Variants in BAIAP2L1 observed in about 807,000 individuals in gnomAD.
BAIAP2L1 encodes the protein BAR/IMD domain-containing adapter protein 2-like 1.
BAIAP2L1 carries 35 observed loss-of-function variants against 66.3 expected under a neutral mutation model. That is an observed-to-expected ratio of 0.53 (90% CI 0.40 to 0.70). BAIAP2L1 has a LOEUF of 0.70. Ranked by LOEUF, BAIAP2L1 falls within the 30% of genes least tolerant of loss-of-function variation. The pLI is 0.00. For missense variants in BAIAP2L1, 622 were observed against 656.9 expected (o/e 0.95, Z 0.58); for synonymous variants, 269 against 248.7 (o/e 1.08, Z -0.77).
At chr7:98,302,319 TG>T (rs1389608425) in intron 12 of BAIAP2L1, among the ~76,000 whole-genome samples, 9 of 152,222 alleles carry the variant, frequency 5.9e-5, no homozygotes, top group African/African-American at 2.2e-4. Flanking sequence ...TTGGCCAAAG[TG>T]TCAGTGCTCT....
intron 12 of BAIAP2L1, among the ~76,000 whole-genome samples, chr7:98,303,640 G>A (rs1800516786): frequency 6.6e-6 from 1 of 152,186 alleles, no homozygotes; most frequent in Non-Finnish European, 1.5e-5. Context: ...GTGCGGTGGC[G>A]GGAATGGATG....
At chr7:98,343,879 G>A (rs1247060814) in intron 3 of BAIAP2L1, among the ~76,000 whole-genome samples, 1 of 152,152 alleles carries the variant, frequency 6.6e-6, no homozygotes, top group Admixed American at 6.5e-5. Context: ...GGGCACAGCT[G>A]TGTTCCAATA....
intron 3 of BAIAP2L1, among the ~76,000 whole-genome samples, chr7:98,331,699 C>G (rs945907907): frequency 6.6e-6 from 1 of 152,036 alleles, no homozygotes. Context: ...GAAATCCTGA[C>G]CTCAGGTGAT....
chr7:98,396,217 G>A lies in BAIAP2L1; in HGVS notation c.51+4585C>T, dbSNP rs370485651. 1.1e-3 allele frequency among the ~76,000 whole-genome samples: 173 copies of A among 152,004 alleles called. 1 individual carries two copies. The highest frequency in any genetic ancestry group is 3.8e-3 in the African/African-American group (159 of 41,478). On this transcript the variant is annotated intron_variant, in intron 1 of 13. Transcript: ENST00000005260. ...ACTGAGGAGCTGGGACCCCAGGCAC[G>A]TACCACCACACCCGGCTAATTTTTG...
chr7:98,394,349 T>C (rs1262015235), intron 1 of BAIAP2L1, among the ~76,000 whole-genome samples: 1 of 152,178 alleles, frequency 6.6e-6, no homozygotes, highest in Non-Finnish European at 1.5e-5. Context: ...GTTTATGTCT[T>C]CCTCTAGTGA....
intron 3 of BAIAP2L1, among the ~76,000 whole-genome samples, chr7:98,323,795 G>A (rs556420313): frequency 2.6e-5 from 4 of 152,314 alleles, no homozygotes; most frequent in East Asian, 1.9e-4. Flanking sequence ...TGGCCGCCGC[G>A]GAGTCAGCGG....
intron 3 of BAIAP2L1, among the ~76,000 whole-genome samples, chr7:98,346,082 A>G (rs1641608137): frequency 1.3e-5 from 2 of 152,210 alleles, no homozygotes; most frequent in Non-Finnish European, 2.9e-5. Flanking sequence ...AACTTTGTGA[A>G]TATACTAAAA....
intron 2 of BAIAP2L1, among the ~76,000 whole-genome samples, chr7:98,356,470 G>C (rs1325876484): frequency 6.6e-6 from 1 of 151,980 alleles, no homozygotes; most frequent in Non-Finnish European, 1.5e-5. Context: ...TGTATAATGG[G>C]CAATTGTTTT....
chr7:98,320,359 G>T, intron 3 of BAIAP2L1, 61 bp from the exon 4 acceptor site: 1 of 1,332,294 alleles, frequency 7.5e-7, no homozygotes, highest in Non-Finnish European at 1.0e-6. Flanking sequence ...TTTTGAAATG[G>T]AGTTTTTGCT....
At chr7:98,377,544 C>T (rs1802661964) in intron 1 of BAIAP2L1, among the ~76,000 whole-genome samples, 1 of 152,108 alleles carries the variant, frequency 6.6e-6, no homozygotes, top group African/African-American at 2.4e-5. Flanking sequence ...CTAGGCCAGG[C>T]CCGGTGGCTC....
At chr7:98,383,077 C>G (rs537777743) in intron 1 of BAIAP2L1, among the ~76,000 whole-genome samples, 1 of 151,994 alleles carries the variant, frequency 6.6e-6, no homozygotes, top group Non-Finnish European at 1.5e-5. Flanking sequence ...GCAGGAGAAT[C>G]ACTTGAACCC....
intron 11 of BAIAP2L1, 68 bp downstream of exon 11, chr7:98,306,371 G>C: frequency 6.4e-7 from 1 of 1,563,154 alleles, no homozygotes; most frequent in Non-Finnish European, 8.8e-7. Flanking sequence ...GCTAGATGGT[G>C]GTGTGTTACA....
intron 3 of BAIAP2L1, among the ~76,000 whole-genome samples, chr7:98,353,412 AT>A (rs1802044342): frequency 7.3e-6 from 1 of 136,210 alleles, no homozygotes; most frequent in Non-Finnish European, 1.5e-5. Flanking sequence ...TAATATATAT[AT>A]TATAAATATA....
intron 1 of BAIAP2L1, among the ~76,000 whole-genome samples, chr7:98,376,924 C>T (rs1802647716): frequency 2.0e-5 from 3 of 152,182 alleles, no homozygotes; most frequent in South Asian, 2.1e-4. Context: ...TCAACATCTA[C>T]ACTACAACTT....
At chr7:98,319,391 C>T (rs1019398975) in intron 5 of BAIAP2L1, among the ~76,000 whole-genome samples, 1 of 152,172 alleles carries the variant, frequency 6.6e-6, no homozygotes. Context: ...TGCTCTCCCG[C>T]ACACCACCCA....
chr7:98,304,440 T>G, intron 11 of BAIAP2L1, 64 bp from the exon 12 acceptor site: 1 of 1,543,666 alleles, frequency 6.5e-7, no homozygotes, highest in Non-Finnish European at 8.9e-7. Context: ...CCAAACATCC[T>G]CTGTGTCCCT....
At chr7:98,367,893 G>C (rs1433076560) in intron 1 of BAIAP2L1, among the ~76,000 whole-genome samples, 1 of 151,886 alleles carries the variant, frequency 6.6e-6, no homozygotes, top group African/African-American at 2.4e-5. Context: ...CAAAGTGCTG[G>C]GATTACAGGC....
chr7:98,358,021 G>A (rs1403895007), intron 2 of BAIAP2L1, among the ~76,000 whole-genome samples: 4 of 152,222 alleles, frequency 2.6e-5, no homozygotes, highest in African/African-American at 9.6e-5. Context: ...GAACATCTTA[G>A]TATGAAGATG....
In BAIAP2L1 at chr7:98,292,559, C is replaced by A; in HGVS notation, c.*962G>T. 1.5e-6 allele frequency: 2 copies of A among 1,361,650 alleles called. No homozygotes were observed. The highest frequency in any genetic ancestry group is 2.1e-6 in the Non-Finnish European group (2 of 974,962). 84.3% of individuals were successfully genotyped at this position (1,361,650 alleles called of 1,614,324 possible). A position where few individuals can be genotyped will look rare whatever the true frequency, so the allele number is the denominator to read the frequency against. On this transcript the variant is annotated 3_prime_UTR_variant, in exon 14 of 14. Transcript: ENST00000005260. ...AGCCCCGGGCTCAGGGCAGCCAGTG[C>A]GTAGTCCTCACATCCATACCATAGG...
Sources: allele counts gnomAD v4.1 joint callset (sites outside exome capture counted in the v4.1 genomes callset), GRCh38; gene constraint gnomAD v4.1.1; transcripts MANE v1.5; gene names NCBI Gene and HGNC (gene_info 2026-07-23, HGNC 2026-07-21).